POLRMT: variants seen among roughly 807,000 people sequenced by gnomAD.
POLRMT encodes DNA-directed RNA polymerase, mitochondrial.
A neutral mutation model predicts 132.2 loss-of-function variants in POLRMT; 114 were observed. The observed-to-expected ratio is 0.86, with a 90% CI of 0.74 to 1.01. The LOEUF is 1.01. Among genes scored for constraint, POLRMT ranks in the 50% least tolerant of loss-of-function variants. The probability of loss-of-function intolerance (pLI) is 0.00; values close to 1 mark genes in which losing one functional copy is unlikely to be tolerated. For synonymous variants in POLRMT, 1,020 were observed against 773.4 expected (o/e 1.32, Z -5.29); for missense variants, 2,003 against 1,729.1 (o/e 1.16, Z -2.81).
At chr19:625,386 T>A in intron 3 of POLRMT, 132 bp from the exon 4 acceptor site, 1 of 1,248,738 alleles carries the variant, frequency 8.0e-7, no homozygotes, top group Non-Finnish European at 1.1e-6. Context: ...AGTGGCCAGC[T>A]GGGCAGACCG....
chr19:623,125 C>A, intron 6 of POLRMT, 140 bp from the exon 7 acceptor site: 1 of 1,162,532 alleles, frequency 8.6e-7, no homozygotes, highest in Non-Finnish European at 1.2e-6. Context: ...GCTCCTCACC[C>A]CGGCCTGCCC....
At chr19:626,898 C>CACACATATAT (rs371959370) in intron 3 of POLRMT, among the ~76,000 whole-genome samples, 5 of 146,702 alleles carry the variant, frequency 3.4e-5, no homozygotes, top group African/African-American at 1.3e-4. Context: ...CACACACACA[C>CACACATATAT]ATATATATAT....
chr19:620,548 G>T, intron 10 of POLRMT, 61 bp from the exon 11 acceptor site: 1 of 1,468,096 alleles, frequency 6.8e-7, no homozygotes, highest in Admixed American at 2.5e-5. Context: ...CCCGCTGGGA[G>T]GCTGTGTTGC....
intron 8 of POLRMT, 57 bp downstream of exon 8, chr19:622,525 G>A: frequency 1.3e-6 from 2 of 1,526,552 alleles, no homozygotes; most frequent in South Asian, 1.3e-5. Context: ...CTCCAGGGAG[G>A]GAGAGCGCCC....
chr19:631,340 G>GC lies in POLRMT; in HGVS notation c.194-1173_194-1172insG, dbSNP rs1568177691. 1.6e-4 allele frequency among the ~76,000 whole-genome samples: 23 copies of GC among 145,002 alleles called. No homozygotes were observed. In the South Asian group the frequency reaches 4.8e-3, roughly 30 times the overall value. ...AGGACCCTGTCTCAAAAAAAAAAAGGGGGGGGGGGACCCAGGTGTCCAGAT... is the reference window on the plus strand; with the variant it reads ...AGGACCCTGTCTCAAAAAAAAAAAGGCGGGGGGGGGACCCAGGTGTCCAGAT... On this transcript the variant is annotated intron_variant, in intron 2 of 20. Coordinates refer to ENST00000588649, the MANE Select transcript of POLRMT (RefSeq NM_005035.4).
In POLRMT at chr19:621,013, G is replaced by A. The variant is rs561063177; in HGVS notation, c.2640+45C>T. The A allele has an allele frequency of 1.4e-5, 14 of 1,032,216 alleles. 1 individual carries two copies. Among genetic ancestry groups the A allele is most frequent in the Non-Finnish European group, 1.7e-5 (14 of 823,484 alleles). The allele number at this position is 1,032,216 out of a possible 1,614,324, so 63.9% of individuals were successfully genotyped here. A position where few individuals can be genotyped will look rare whatever the true frequency, so the allele number is the denominator to read the frequency against. On this transcript the variant is annotated intron_variant, in intron 10 of 20. Coordinates refer to ENST00000588649, the MANE Select transcript of POLRMT (RefSeq NM_005035.4). ...GGGCGCGGGGGCGCCGGGGGAGGGC[G>A]CGGGGGTGCCGGGAGGGCGGGGAAT...
chr19:619,962 G>C lies in POLRMT; in HGVS notation c.2882C>G (p.Ala961Gly). The C allele has an allele frequency of 6.2e-7, 1 of 1,601,796 alleles. No individual in the cohort carries two copies. Among genetic ancestry groups the C allele is most frequent in the South Asian group, 1.1e-5 (1 of 90,418 alleles). Residue 961 changes from alanine (A) to glycine (G), a missense_variant, in exon 12 of 21, where the codon GCG (alanine) becomes GGG (glycine). Coordinates refer to ENST00000588649, the MANE Select transcript of POLRMT (RefSeq NM_005035.4). Reference protein sequence around the residue: ...VPQDVYSGVAAQVEVFRRQDA... With the variant: ...VPQDVYSGVAGQVEVFRRQDA... ...GGGCAGCAGGGCACACCCTACCTGC[G>C]CGGCCACGCCGCTGTACACGTCCTG...
At chr19:626,254 CG>C (rs921717334) in intron 3 of POLRMT, among the ~76,000 whole-genome samples, 2 of 151,844 alleles carry the variant, frequency 1.3e-5, no homozygotes, top group African/African-American at 4.8e-5. Context: ...CGGGTTCAAC[CG>C]ATTCTCCTGC....
Position 629,414 on chromosome 19 carries a change from G to T in POLRMT, c.822+126C>A, listed in dbSNP as rs564561359. On this transcript the variant is annotated intron_variant, in intron 3 of 20. Transcript: ENST00000588649. ...TGATTTGTATTTGAAAAGCCTAAAA[G>T]AATTATTAAAATAAAAAACAAAGGA... is the stretch of plus-strand genomic sequence containing the variant. The T allele has an allele frequency of 1.2e-4, 131 of 1,048,954 alleles. 1 individual carries two copies. In the African/African-American group the frequency reaches 1.9e-3, roughly 15 times the overall value. 65.0% of individuals were successfully genotyped at this position (1,048,954 alleles called of 1,614,324 possible).
At chr19:625,350 A>C (rs1984951218) in intron 3 of POLRMT, 96 bp from the exon 4 acceptor site, 30 of 1,524,706 alleles carry the variant, frequency 2.0e-5, no homozygotes, top group African/African-American at 2.7e-5. Context: ...CCACCAGCTC[A>C]GCAGGGGACA....
intron 3 of POLRMT, among the ~76,000 whole-genome samples, chr19:626,898 CAT>C (rs113561619): frequency 0.12 from 17,062 of 146,622 alleles, 1,256 homozygotes; most frequent in South Asian, 0.18. Flanking sequence ...CACACACACA[CAT>C]ATATATATAT....
At position 620,039 on chromosome 19, in the gene POLRMT, G is replaced by T. The variant is rs769592980; in HGVS notation, c.2805C>A (p.Gly935=). Residue 935 remains glycine, a synonymous_variant, in exon 12 of 21, where the codon GGC becomes GGA. Coordinates refer to ENST00000588649, the MANE Select transcript of POLRMT (RefSeq NM_005035.4). ...CGGAGGCGGCGCCCACGCTGTCGCG[G>T]CCCAGAGCAGCATAATGCTGCAGGC... The part of the protein sequence containing the change: ...CNGLQHYAAL[G]RDSVGAASVN... 6.4e-7 allele frequency: 1 copy of T among 1,556,576 alleles called. No homozygotes were observed. Among genetic ancestry groups the T allele is most frequent in the Admixed American group, 1.9e-5 (1 of 52,438 alleles).
chr19:618,965 C>T lies in POLRMT; in HGVS notation c.3267+32G>A, dbSNP rs757114900. Reference sequence around the variant, plus strand: ...GGACGCTGTTACACTGGGATGGTGGCACACTGGGGAGGGATGGGGTGGTAC... The same window carrying T: ...GGACGCTGTTACACTGGGATGGTGGTACACTGGGGAGGGATGGGGTGGTAC... On this transcript the variant is annotated intron_variant, in intron 15 of 20. Transcript: ENST00000588649. 7.3e-6 allele frequency: 11 copies of T among 1,502,610 alleles called. No homozygotes were observed. The East Asian group carries it at 2.1e-4, about 29-fold the overall frequency. The allele number at this position is 1,502,610 out of a possible 1,614,324, so 93.1% of individuals were successfully genotyped here. A position where few individuals can be genotyped will look rare whatever the true frequency, so the allele number is the denominator to read the frequency against.
In POLRMT at chr19:621,311, A is replaced by C. The variant is rs773334163; in HGVS notation, c.2387T>G (p.Leu796Arg). The change falls in exon 10 of 21, where the codon CTG becomes CGG. Residue 796 changes from leucine to arginine, a missense_variant. Leu to Arg is a moderately radical substitution (Grantham distance 102, BLOSUM62 -2). Transcript: ENST00000588649. ...GCCGCGGAAGTCCATGTTGTGCGGC[A>C]GCCAGAAGACGCGGTCCCGCAGGTG... The part of the protein sequence containing the change: ...AQHLRDRVFW[L>R]PHNMDFRGRT... 27 of 1,599,534 alleles carry C rather than the reference A, an allele frequency of 1.7e-5. No individual in the cohort carries two copies. The highest frequency in any genetic ancestry group is 1.2e-4 in the Admixed American group (7 of 59,448).
chr19:630,316 T>C, intron 2 of POLRMT, 148 bp from the exon 3 acceptor site: 1 of 956,262 alleles, frequency 1.0e-6, no homozygotes, highest in Non-Finnish European at 1.5e-6. Flanking sequence ...CCAACAACGT[T>C]GTAAGGTCTG....
At position 621,076 on chromosome 19, in the gene POLRMT, G is replaced by C; in HGVS notation, c.2622C>G (p.Ser874=). The C allele has an allele frequency of 1.2e-6, 2 of 1,604,638 alleles. No individual in the cohort carries two copies. The highest frequency in any genetic ancestry group is 1.9e-4 in the Middle Eastern group (1 of 5,372). The change falls in exon 10 of 21, where the codon TCC becomes TCG. Residue 874 remains serine (S), a synonymous_variant. Coordinates refer to ENST00000588649, the MANE Select transcript of POLRMT (RefSeq NM_005035.4). The stretch of plus-strand genomic sequence containing the variant: ...CCCCTACCGTCAAGGGTTGGTCCGC[G>C]GAGTCCAGGATGTCATCCATCACCT... The part of the protein sequence containing the change: ...AEEVMDDILD[S]ADQPLTGRKW...
Position 621,367 on chromosome 19 carries a change from C to G in POLRMT, c.2331G>C (p.Ala777=). Residue 777 remains alanine, a synonymous_variant, in exon 10 of 21, where the codon GCG becomes GCC. Coordinates refer to ENST00000588649, the MANE Select transcript of POLRMT (RefSeq NM_005035.4). The stretch of plus-strand genomic sequence containing the variant: ...CCAGCGAGAGGCGGTACAGCGCCTC[C>G]GCCCGCAGGCTGTGCATCTCCCGGG... The part of the protein sequence containing the change: ...KVAREMHSLR[A]EALYRLSLAQ... The G allele has an allele frequency of 1.9e-6, 3 of 1,560,702 alleles. No homozygotes were observed. Among genetic ancestry groups the G allele is most frequent in the East Asian group, 2.3e-5 (1 of 42,942 alleles).
At chr19:633,061 G>C in intron 1 of POLRMT, 123 bp from the exon 2 acceptor site, 3 of 729,916 alleles carry the variant, frequency 4.1e-6, no homozygotes, top group Non-Finnish European at 6.3e-6. Flanking sequence ...CTCGGAGCAC[G>C]GGCTTAAGTT....
intron 2 of POLRMT, 23 bp downstream of exon 2, chr19:632,811 G>C: frequency 6.5e-7 from 1 of 1,526,836 alleles, no homozygotes; most frequent in Non-Finnish European, 8.8e-7. Flanking sequence ...CCTCTCCCGG[G>C]CCGCCGTGGG....
Sources: gnomAD v4.1 joint callset for allele counts (sites outside exome capture counted in the v4.1 genomes callset) on GRCh38, gnomAD v4.1.1 for gene constraint, MANE v1.5 for transcripts, NCBI Gene and HGNC (gene_info 2026-07-23, HGNC 2026-07-21) for gene names.